Variants in EPYC observed in about 807,000 individuals in gnomAD.
The protein encoded by EPYC is epiphycan, also known as dermatan sulfate proteoglycan 3.
EPYC carries 28 observed loss-of-function variants against 30.1 expected under a neutral mutation model. The observed-to-expected ratio is 0.93, with a 90% CI of 0.69 to 1.28. The LOEUF is 1.28. Among genes scored for constraint, EPYC ranks in the 50% most tolerant of loss-of-function variants. EPYC has a pLI of 0.00. For missense variants in EPYC, 382 were observed against 383.5 expected, an observed-to-expected ratio of 1.00 and a Z score of 0.03; for synonymous variants, 144 against 141.4, an observed-to-expected ratio of 1.02 and a Z score of -0.13.
chr12:90,996,368 C>G (rs979020312), intron 2 of EPYC, among the ~76,000 whole-genome samples: 2 of 151,708 alleles, frequency 1.3e-5, no homozygotes, highest in Non-Finnish European at 2.9e-5. Context: ...AAGTTATTAT[C>G]TATTTATTTT....
intron 2 of EPYC, among the ~76,000 whole-genome samples, chr12:90,996,529 G>A (rs1292392434): frequency 6.6e-6 from 1 of 151,834 alleles, no homozygotes; most frequent in East Asian, 1.9e-4. Flanking sequence ...AAATTTAATT[G>A]ATACAACTGC....
In EPYC at chr12:90,972,816, C is replaced by T. The variant is rs1592623483; in HGVS notation, c.499+6G>A. On this transcript the variant is annotated splice_donor_region_variant and intron_variant, in intron 4 of 6. Coordinates refer to ENST00000261172, the MANE Select transcript of EPYC (RefSeq NM_004950.5). ...CGGTGAAGGCCGTTAATGCTGTCAT[C>T]CATACTTAGGCTTGCAAAGTCATTT... is the stretch of plus-strand genomic sequence containing the variant. 7.4e-6 allele frequency: 12 copies of T among 1,612,246 alleles called. No individual in the cohort carries two copies. The East Asian group carries it at 2.7e-4, about 36-fold the overall frequency.
chr12:91,002,825 T>G (rs1877863686), intron 1 of EPYC, among the ~76,000 whole-genome samples: 1 of 150,158 alleles, frequency 6.7e-6, no homozygotes, highest in Non-Finnish European at 1.5e-5. Context: ...CAGTAAAATT[T>G]TATTTTATTT....
chr12:91,001,280 A>G (rs1877816898), intron 2 of EPYC, among the ~76,000 whole-genome samples: 1 of 152,144 alleles, frequency 6.6e-6, no homozygotes. Flanking sequence ...TCTAAGTTCA[A>G]TACAAGTTAA....
intron 2 of EPYC, among the ~76,000 whole-genome samples, chr12:90,990,865 T>C (rs1877567752): frequency 6.6e-6 from 1 of 152,294 alleles, no homozygotes. Flanking sequence ...CATTACCCTC[T>C]GGGATATTCT....
rs1160441192 is a variant in EPYC, at chr12:90,974,819, A to G, written c.341-1839T>C. ...CTTGAGGGGTCTAGGGATGAGGTAA[A>G]TAAGGATTGTAAGCTGTGGAATGAA... On this transcript the variant is annotated intron_variant, in intron 3 of 6. Coordinates refer to ENST00000261172, the MANE Select transcript of EPYC (RefSeq NM_004950.5). 2.0e-5 allele frequency among the ~76,000 whole-genome samples: 3 copies of G among 152,140 alleles called. No individual in the cohort carries two copies. In the East Asian group the frequency reaches 5.8e-4, roughly 29 times the overall value.
chr12:90,968,631 T>C (rs145352763), intron 6 of EPYC, among the ~76,000 whole-genome samples: 1 of 152,288 alleles, frequency 6.6e-6, no homozygotes, highest in Non-Finnish European at 1.5e-5. Flanking sequence ...TTTCAAAGCT[T>C]AGAATGGGAA....
At chr12:90,985,127 G>A (rs974278754) in intron 2 of EPYC, among the ~76,000 whole-genome samples, 3 of 152,230 alleles carry the variant, frequency 2.0e-5, no homozygotes, top group East Asian at 1.9e-4. Flanking sequence ...GCTGTCCCCA[G>A]TATGGATCCC....
intron 3 of EPYC, among the ~76,000 whole-genome samples, chr12:90,976,876 C>T (rs1192822433): frequency 2.6e-5 from 4 of 152,078 alleles, no homozygotes; most frequent in Admixed American, 2.6e-4. Flanking sequence ...TTTCACTTGG[C>T]TCTCTTTCTC....
intron 2 of EPYC, among the ~76,000 whole-genome samples, chr12:90,986,996 G>A (rs910306575): frequency 6.6e-6 from 1 of 152,028 alleles, no homozygotes; most frequent in African/African-American, 2.4e-5. Context: ...AGTTGAATCA[G>A]TATGGGTAAA....
intron 2 of EPYC, among the ~76,000 whole-genome samples, chr12:90,990,397 A>G (rs144324044): frequency 4.6e-5 from 7 of 152,242 alleles, no homozygotes; most frequent in African/African-American, 1.4e-4. Context: ...TGTGTTTACA[A>G]AGGATATCCC....
At chr12:90,967,257 G>T (rs1343888465) in intron 6 of EPYC, among the ~76,000 whole-genome samples, 1 of 151,650 alleles carries the variant, frequency 6.6e-6, no homozygotes, top group Non-Finnish European at 1.5e-5. Flanking sequence ...TTCCCTTTAA[G>T]TGCTGCTTTA....
At chr12:90,976,036 C>T (rs1223219714) in intron 3 of EPYC, among the ~76,000 whole-genome samples, 1 of 151,892 alleles carries the variant, frequency 6.6e-6, no homozygotes, top group East Asian at 1.9e-4. Flanking sequence ...TTTGACTCTT[C>T]AAAAAGTTAA....
At chr12:90,992,576 G>C (rs1383299997) in intron 2 of EPYC, among the ~76,000 whole-genome samples, 1 of 152,152 alleles carries the variant, frequency 6.6e-6, no homozygotes, top group African/African-American at 2.4e-5. Context: ...GCACAAAAAG[G>C]GGAATTCAAA....
At chr12:90,986,913 C>CT (rs906786639) in intron 2 of EPYC, among the ~76,000 whole-genome samples, 3 of 152,010 alleles carry the variant, frequency 2.0e-5, no homozygotes, top group African/African-American at 4.8e-5. Context: ...CTACATATTT[C>CT]TTTTTTTTCC....
chr12:90,991,629 A>T (rs1877586916), intron 2 of EPYC, among the ~76,000 whole-genome samples: 1 of 152,318 alleles, frequency 6.6e-6, no homozygotes, highest in South Asian at 2.1e-4. Flanking sequence ...CTAGAGAAGT[A>T]AAGAGATAAA....
intron 2 of EPYC, among the ~76,000 whole-genome samples, chr12:91,000,388 G>A (rs918815340): frequency 6.6e-6 from 1 of 151,978 alleles, no homozygotes; most frequent in Admixed American, 6.6e-5. Flanking sequence ...AGATAATATT[G>A]TATATTAAGT....
chr12:90,999,950 G>A (rs530372512), intron 2 of EPYC, among the ~76,000 whole-genome samples: 26 of 152,028 alleles, frequency 1.7e-4, no homozygotes, highest in African/African-American at 5.8e-4. Flanking sequence ...TAATGGATGA[G>A]TGAGTTGGTT....
intron 2 of EPYC, among the ~76,000 whole-genome samples, chr12:90,995,142 G>A (rs1313048161): frequency 6.6e-6 from 1 of 152,044 alleles, no homozygotes; most frequent in Admixed American, 6.6e-5. Flanking sequence ...CTAAAAGACC[G>A]TAACCATGAA....
Sources: allele counts gnomAD v4.1 joint callset (sites outside exome capture counted in the v4.1 genomes callset), GRCh38; gene constraint gnomAD v4.1.1; transcripts MANE v1.5; gene names NCBI Gene and HGNC (gene_info 2026-07-23, HGNC 2026-07-21).